Variants in ZNF451 observed in about 807,000 individuals in gnomAD.
The protein encoded by ZNF451 is E3 SUMO-protein ligase ZNF451.
In ZNF451, 80 loss-of-function variants were observed where a neutral mutation model predicts 107.1. The ratio of observed to expected loss-of-function variants is 0.75; its 90% CI spans 0.62 to 0.90. ZNF451 has a LOEUF of 0.90. Ranked by LOEUF, ZNF451 falls within the 40% of genes least tolerant of loss-of-function variation. The pLI, the probability that ZNF451 is intolerant of heterozygous loss-of-function variation, is 0.00. For missense variants in ZNF451, 1,107 were observed against 1,236.2 expected, an observed-to-expected ratio of 0.90 and a Z score of 1.57; for synonymous variants, 362 against 406.5, an observed-to-expected ratio of 0.89 and a Z score of 1.32.
chr6:57,113,664 C>T (rs1830222557), intron 3 of ZNF451, among the ~76,000 whole-genome samples: 1 of 150,524 alleles, frequency 6.6e-6, no homozygotes, highest in South Asian at 2.1e-4. Flanking sequence ...CTCTGTCACC[C>T]AGGCTGGAGT....
intron 9 of ZNF451, among the ~76,000 whole-genome samples, chr6:57,144,176 T>C (rs1198036692): frequency 1.3e-5 from 2 of 151,952 alleles, no homozygotes; most frequent in South Asian, 4.2e-4. Flanking sequence ...TGAAAAATAG[T>C]TGAAATTATA....
intron 3 of ZNF451, among the ~76,000 whole-genome samples, chr6:57,111,429 A>G (rs185476032): frequency 2.3e-3 from 346 of 148,008 alleles, no homozygotes; most frequent in African/African-American, 8.3e-3. Context: ...CGCTGAGGCT[A>G]GAGTGCAGTG....
In ZNF451 at chr6:57,142,076, G is replaced by A; in HGVS notation, c.985G>A (p.Glu329Lys). ...CCACAAGACACTGCGTTCCCACATGGAGCTCACTGCCCATTTCAGGTTTGT... is the reference window on the plus strand; with the variant it reads ...CCACAAGACACTGCGTTCCCACATGAAGCTCACTGCCCATTTCAGGTTTGT... ...ACHKTLRSHM[E>K]LTAHFRVHCR... The change falls in exon 9 of 15, where the codon GAG becomes AAG. Residue 329 changes from glutamate (E) to lysine (K), a missense_variant. Around this residue, in one of 5 missense-constraint regions of ZNF451, gnomAD observed 339 missense variants for 372.8 expected, o/e 0.91. Coordinates refer to ENST00000370706, the MANE Select transcript of ZNF451 (RefSeq NM_001031623.3). The A allele has an allele frequency of 2.5e-6, 4 of 1,612,954 alleles. No individual in the cohort carries two copies. The highest frequency in any genetic ancestry group is 3.4e-6 in the Non-Finnish European group (4 of 1,179,082).
chr6:57,111,654 T>C (rs1830121723), intron 3 of ZNF451, among the ~76,000 whole-genome samples: 1 of 152,232 alleles, frequency 6.6e-6, no homozygotes, highest in African/African-American at 2.4e-5. Context: ...GTGCTGGGAT[T>C]GTGGTTGTGA....
rs1003488598 is a variant in ZNF451 at position 57,099,606 on chromosome 6, C to G, written c.186+465C>G. 17 of 691,296 alleles carry G rather than the reference C, an allele frequency of 2.5e-5. No individual in the cohort carries two copies. The African/African-American group carries it at 3.0e-4, about 12-fold the overall frequency. The allele number at this position is 691,296 out of a possible 1,614,324, so 42.8% of individuals were successfully genotyped here. A position where few individuals can be genotyped will look rare whatever the true frequency, so the allele number is the denominator to read the frequency against. On this transcript the variant is annotated intron_variant, in intron 3 of 14. Coordinates refer to ENST00000370706, the MANE Select transcript of ZNF451 (RefSeq NM_001031623.3). ...AGGGTTTATAGGGGATATATTACTTCAGTCATCATCCCTTTAACCTTGTCT... is the reference window on the plus strand; with the variant it reads ...AGGGTTTATAGGGGATATATTACTTGAGTCATCATCCCTTTAACCTTGTCT...
At chr6:57,101,435 C>T in intron 3 of ZNF451, 3 of 1,550,786 alleles carry the variant, frequency 1.9e-6, no homozygotes, top group Non-Finnish European at 2.6e-6. Flanking sequence ...CCTTTCCAAC[C>T]AAACCCACCA....
chr6:57,101,491 AAC>A, intron 3 of ZNF451: 2 of 1,551,058 alleles, frequency 1.3e-6, no homozygotes, highest in East Asian at 2.4e-5. Flanking sequence ...CAAAAGAGGA[AAC>A]ACAACATCCC....
At position 57,150,551 on chromosome 6, in the gene ZNF451, A is replaced by G. The variant is rs529138189; in HGVS notation, c.2609-168A>G. 1.9e-6 allele frequency: 1 copy of G among 534,200 alleles called. No individual in the cohort carries two copies. Among genetic ancestry groups the G allele is most frequent in the East Asian group, 3.1e-5 (1 of 31,764 alleles). 33.1% of individuals were successfully genotyped at this position (534,200 alleles called of 1,614,324 possible). A position where few individuals can be genotyped will look rare whatever the true frequency, so the allele number is the denominator to read the frequency against. ...ATTATTTTTATCTGATTTAAGTGTA[A>G]ATGGTGTCATGTACAGATTTGGATT... On this transcript the variant is annotated intron_variant, in intron 10 of 14. Transcript: ENST00000370706.
chr6:57,147,846 A>C lies in ZNF451; in HGVS notation c.1761A>C (p.Ser587=). ...TLDNLTANKP[S]SAITVIDHSP... is the part of the protein sequence containing the mutation. ...ATAATTTGACTGCTAACAAGCCTTC[A>C]TCAGCTATTACTGTTATTGATCATT... Residue 587 remains serine, a synonymous_variant, in exon 10 of 15, where the codon TCA becomes TCC. Transcript: ENST00000370706. 2 of 1,614,164 alleles carry C rather than the reference A, an allele frequency of 1.2e-6. No individual in the cohort carries two copies. The highest frequency in any genetic ancestry group is 2.2e-5 in the East Asian group (1 of 44,882).
intron 3 of ZNF451, chr6:57,108,751 C>T (rs1829985363): frequency 1.9e-5 from 19 of 985,362 alleles, no homozygotes; most frequent in Non-Finnish European, 2.3e-5. Context: ...CCTGGGAAGG[C>T]AGTAGAAGAA....
At chr6:57,158,967 A>ATGAT in intron 13 of ZNF451, 1 of 985,466 alleles carries the variant, frequency 1.0e-6, no homozygotes, top group Non-Finnish European at 1.2e-6. Flanking sequence ...GGAAGTGTAG[A>ATGAT]TGATTGAAGC....
intron 10 of ZNF451, chr6:57,150,407 C>T: frequency 5.0e-6 from 1 of 198,984 alleles, no homozygotes; most frequent in Non-Finnish European, 1.0e-5. Context: ...TCTAGTTCTT[C>T]TAGTACATTA....
At position 57,118,749 on chromosome 6, in the gene ZNF451, C is replaced by G. The variant is rs555828691; in HGVS notation, c.187-5985C>G. Among the ~76,000 whole-genome samples, 274 of 152,284 alleles carry G rather than the reference C, an allele frequency of 1.8e-3. 1 individual carries two copies. Among genetic ancestry groups the G allele is most frequent in the Non-Finnish European group, 2.5e-3 (168 of 68,010 alleles). ...ACCTCCTGCCTCAGCTCCCAAAGTG[C>G]TGGGATTACAAGTGTAAGCTACTAC... is the stretch of plus-strand genomic sequence containing the variant. On this transcript the variant is annotated intron_variant, in intron 3 of 14. Coordinates refer to ENST00000370706, the MANE Select transcript of ZNF451 (RefSeq NM_001031623.3).
chr6:57,152,911 T>C (rs1832416209), intron 12 of ZNF451, among the ~76,000 whole-genome samples: 1 of 152,166 alleles, frequency 6.6e-6, no homozygotes, highest in African/African-American at 2.4e-5. Flanking sequence ...CTGTATTTGA[T>C]ATATATTAAG....
Position 57,169,157 on chromosome 6 carries a change from GTGACTTGTATGGTCT to G in ZNF451, c.*689_*703del, listed in dbSNP as rs1169294214. ...TCCTTTTACCTGCTTAGACTTTTAT[GTGACTTGTATGGTCT>G]CCTGGTTAAAGGGAATGGTGTCAGA... On this transcript the variant is annotated 3_prime_UTR_variant, in exon 15 of 15. Transcript: ENST00000370706. 1.7e-4 allele frequency: 26 copies of G among 152,080 alleles called. No homozygotes were observed. Among genetic ancestry groups the G allele is most frequent in the Non-Finnish European group, 3.5e-4 (24 of 67,980 alleles). 9.4% of individuals were successfully genotyped at this position (152,080 alleles called of 1,614,324 possible). A position where few individuals can be genotyped will look rare whatever the true frequency, so the allele number is the denominator to read the frequency against.
At position 57,150,767 on chromosome 6, in the gene ZNF451, C is replaced by CT; in HGVS notation, c.2658dup (p.His887SerfsTer8). ...GATTTGGATTACCTGCGAACCATGA[C>CT]TCATATAGTCTTTGTAGATTTTGAT... On this transcript the variant is annotated frameshift_variant, in exon 11 of 15. Coordinates refer to ENST00000370706, the MANE Select transcript of ZNF451 (RefSeq NM_001031623.3). LOFTEE classifies it high-confidence loss of function. 6.2e-7 allele frequency: 1 copy of CT among 1,613,458 alleles called. No individual in the cohort carries two copies. Among genetic ancestry groups the CT allele is most frequent in the Non-Finnish European group, 8.5e-7 (1 of 1,179,706 alleles).
intron 14 of ZNF451, among the ~76,000 whole-genome samples, chr6:57,163,234 C>T (rs1377052664): frequency 6.6e-6 from 1 of 151,948 alleles, no homozygotes. Context: ...CCTAGATTGT[C>T]CATCTTTAGA....
Position 57,148,384 on chromosome 6 carries a change from G to A in ZNF451, c.2299G>A (p.Asp767Asn), listed in dbSNP as rs766325841. 1.2e-5 allele frequency: 19 copies of A among 1,613,648 alleles called. No homozygotes were observed. Among genetic ancestry groups the A allele is most frequent in the East Asian group, 4.5e-5 (2 of 44,858 alleles). Residue 767 changes from aspartate (D) to asparagine (N), a missense_variant, in exon 10 of 15, where the codon GAC becomes AAC. By Grantham distance (23) the Asp-to-Asn change is conservative. Transcript: ENST00000370706. ...TTCGGCAACAGCACAGAATTTAACC[G>A]ACATGAACACTCATATCCATCAAGT... is the stretch of plus-strand genomic sequence containing the variant. ...LCSATAQNLT[D>N]MNTHIHQVHK...
At chr6:57,091,877 A>G (rs149562649) in intron 2 of ZNF451, among the ~76,000 whole-genome samples, 1 of 152,236 alleles carries the variant, frequency 6.6e-6, no homozygotes, top group East Asian at 1.9e-4. Context: ...CATTTTGGTA[A>G]TTCATTTTTG....
Sources: allele counts gnomAD v4.1 joint callset (sites outside exome capture counted in the v4.1 genomes callset), GRCh38; gene constraint gnomAD v4.1.1; regional missense constraint gnomAD v4.1.1; transcripts MANE v1.5; gene names NCBI Gene and HGNC (gene_info 2026-07-23, HGNC 2026-07-21).